The following MCTP1 variants were observed in gnomAD, a reference collection of about 807,000 sequenced individuals.
MCTP1 encodes multiple C2 and transmembrane domain-containing protein 1.
A neutral mutation model predicts 120.6 loss-of-function variants in MCTP1; 69 were observed. The ratio of observed to expected loss-of-function variants is 0.57; its 90% CI spans 0.47 to 0.70. The LOEUF is 0.70. Ranked by LOEUF, MCTP1 falls within the 30% of genes least tolerant of loss-of-function variation. MCTP1 has a pLI of 0.00. For missense variants in MCTP1, 1,203 were observed against 1,248.8 expected (o/e 0.96, Z 0.55); for synonymous variants, 529 against 493.1 (o/e 1.07, Z -0.96).
intron 1 of MCTP1, among the ~76,000 whole-genome samples, chr5:95,081,039 T>C (rs1465037758): frequency 6.6e-6 from 1 of 152,174 alleles, no homozygotes; most frequent in East Asian, 1.9e-4. Context: ...AAGATAATCA[T>C]ATAAATCTGA....
At chr5:95,149,366 C>T (rs558751984) in intron 1 of MCTP1, among the ~76,000 whole-genome samples, 19 of 152,204 alleles carry the variant, frequency 1.2e-4, no homozygotes, top group African/African-American at 3.9e-4. Flanking sequence ...TCCAAGGTGG[C>T]GAGTCTTGCC....
Position 94,940,149 on chromosome 5 carries a change from G to A in MCTP1, c.1108C>T (p.His370Tyr), listed in dbSNP as rs921681709. ...LTLKDPHYPD[H>Y]DLGIILLSVI... is the part of the protein sequence containing the mutation. ...GAGAGCAAAATGATTCCAAGATCAT[G>A]GTCAGGATAATGAGGATCTTTCAGA... The change falls in exon 5 of 23, where the codon CAT becomes TAT. Residue 370 changes from histidine (H) to tyrosine (Y), a missense_variant. Coordinates refer to ENST00000515393, the MANE Select transcript of MCTP1 (RefSeq NM_024717.7). 6.2e-7 allele frequency: 1 copy of A among 1,609,776 alleles called. No individual in the cohort carries two copies. The highest frequency in any genetic ancestry group is 8.5e-7 in the Non-Finnish European group (1 of 1,177,124).
intron 1 of MCTP1, among the ~76,000 whole-genome samples, chr5:95,168,388 T>C (rs1178974570): frequency 6.6e-6 from 1 of 152,228 alleles, no homozygotes; most frequent in Non-Finnish European, 1.5e-5. Flanking sequence ...GGCTCTTTTT[T>C]GGTTCCATAT....
Position 94,894,649 on chromosome 5 carries a change from A to AT in MCTP1, c.1838dup (p.Tyr613Ter), listed in dbSNP as rs1561817280. 1 of 1,595,866 alleles carries AT rather than the reference A, an allele frequency of 6.3e-7. No individual in the cohort carries two copies. Among genetic ancestry groups the AT allele is most frequent in the Non-Finnish European group, 8.6e-7 (1 of 1,166,154 alleles). The change falls in exon 11 of 23, where the codon TAT becomes TAAT. Residue 613 changes from tyrosine (Y) to a stop codon, truncating the protein, a stop_gained and frameshift_variant and splice_region_variant. Coordinates refer to ENST00000515393, the MANE Select transcript of MCTP1 (RefSeq NM_024717.7). LOFTEE classifies it high-confidence loss of function. ...QKEREEILKR[Y>*]SPLRIFHNLK... ...GGAAGGAGGAGGGTTACATACGTAC[A>AT]TATCTCTTTAATATCTCCTCTCGTT...
intron 1 of MCTP1, among the ~76,000 whole-genome samples, chr5:95,032,767 A>G (rs904959301): frequency 2.2e-4 from 33 of 152,112 alleles, no homozygotes; most frequent in Non-Finnish European, 4.3e-4. Flanking sequence ...TTAGAGCAAA[A>G]AAATTATGCA....
At chr5:94,841,942 G>A (rs891345093) in intron 17 of MCTP1, among the ~76,000 whole-genome samples, 9 of 152,156 alleles carry the variant, frequency 5.9e-5, no homozygotes, top group African/African-American at 2.2e-4. Flanking sequence ...CACCCCCAAG[G>A]AGATAATTTG....
At chr5:94,905,956 A>G (rs1199095453) in intron 10 of MCTP1, among the ~76,000 whole-genome samples, 2 of 152,116 alleles carry the variant, frequency 1.3e-5, no homozygotes, top group Non-Finnish European at 2.9e-5. Flanking sequence ...AAGAAAGAGC[A>G]TGCAGTGAGG....
intron 19 of MCTP1, among the ~76,000 whole-genome samples, chr5:94,715,175 A>G (rs115317007): frequency 0.026 from 4,012 of 151,904 alleles, 172 homozygotes; most frequent in African/African-American, 0.091. Context: ...AGGAAGGTAT[A>G]AGAGAGAGGG....
chr5:95,121,173 G>A (rs1758203732), intron 1 of MCTP1, among the ~76,000 whole-genome samples: 1 of 150,904 alleles, frequency 6.6e-6, no homozygotes. Context: ...AGCCACTCAG[G>A]AGGCTGAGGC....
chr5:94,716,510 G>A (rs1580275566), intron 19 of MCTP1, among the ~76,000 whole-genome samples: 1 of 152,026 alleles, frequency 6.6e-6, no homozygotes, highest in Non-Finnish European at 1.5e-5. Flanking sequence ...CCCCAACTGT[G>A]TGTCCCTTAG....
At chr5:95,279,534 T>G (rs1760141140) in intron 1 of MCTP1, among the ~76,000 whole-genome samples, 1 of 152,158 alleles carries the variant, frequency 6.6e-6, no homozygotes, top group Non-Finnish European at 1.5e-5. Context: ...ACACACTTAT[T>G]TGTAATAGCA....
At chr5:95,215,894 C>T (rs1337664209) in intron 1 of MCTP1, among the ~76,000 whole-genome samples, 1 of 152,098 alleles carries the variant, frequency 6.6e-6, no homozygotes, top group Non-Finnish European at 1.5e-5. Flanking sequence ...TTAGCCTCTA[C>T]ACACTTTTAA....
At chr5:95,128,088 G>A (rs1582311443) in intron 1 of MCTP1, among the ~76,000 whole-genome samples, 1 of 152,190 alleles carries the variant, frequency 6.6e-6, no homozygotes, top group African/African-American at 2.4e-5. Context: ...TCCTATGAAG[G>A]GGTTGGCTTG....
At chr5:95,247,053 T>C (rs1756873466) in intron 1 of MCTP1, among the ~76,000 whole-genome samples, 1 of 152,210 alleles carries the variant, frequency 6.6e-6, no homozygotes, top group African/African-American at 2.4e-5. Context: ...CTATTAATTA[T>C]TGCCTCAATT....
At chr5:94,765,141 A>C (rs747932916) in intron 19 of MCTP1, among the ~76,000 whole-genome samples, 7 of 152,192 alleles carry the variant, frequency 4.6e-5, no homozygotes, top group Non-Finnish European at 1.0e-4. Flanking sequence ...ATGCCGCTAA[A>C]CAACAATTGG....
At chr5:94,834,307 G>A (rs967416615) in intron 17 of MCTP1, among the ~76,000 whole-genome samples, 1 of 151,860 alleles carries the variant, frequency 6.6e-6, no homozygotes, top group African/African-American at 2.4e-5. Context: ...CTTTTGGTGG[G>A]GAAAAAAAGA....
intron 1 of MCTP1, among the ~76,000 whole-genome samples, chr5:95,072,777 G>C (rs541898215): frequency 8.9e-6 from 1 of 111,846 alleles, no homozygotes; most frequent in East Asian, 2.8e-4. Context: ...ATGGAGTCTC[G>C]CTCTGTCGCC....
intron 19 of MCTP1, among the ~76,000 whole-genome samples, chr5:94,757,626 G>C (rs1022773281): frequency 2.0e-5 from 3 of 152,160 alleles, no homozygotes; most frequent in Admixed American, 1.3e-4. Context: ...TGAGACGAAA[G>C]GCAGAAATGG....
Position 94,894,694 on chromosome 5 carries a change from G to A in MCTP1, c.1794C>T (p.Asn598=), listed in dbSNP as rs759991011. ...ATVSISDLSV[N]SLEDQKEREE... ...CTCGTTCCTTCTGGTCCTCCAGGGAGTTGACAGACAGGTCAGAGATGCTGA... is the reference window on the plus strand; with the variant it reads ...CTCGTTCCTTCTGGTCCTCCAGGGAATTGACAGACAGGTCAGAGATGCTGA... The change falls in exon 11 of 23, where the codon AAC becomes AAT. Residue 598 remains asparagine (N), a synonymous_variant. Coordinates refer to ENST00000515393, the MANE Select transcript of MCTP1 (RefSeq NM_024717.7). The A allele has an allele frequency of 6.2e-7, 1 of 1,612,926 alleles. No homozygotes were observed. The highest frequency in any genetic ancestry group is 8.5e-7 in the Non-Finnish European group (1 of 1,179,028).
Sources: allele counts gnomAD v4.1 joint callset (sites outside exome capture counted in the v4.1 genomes callset), GRCh38; gene constraint gnomAD v4.1.1; transcripts MANE v1.5; gene names NCBI Gene and HGNC (gene_info 2026-07-23, HGNC 2026-07-21).